The following BANF2 variants were observed in gnomAD, a reference collection of about 807,000 sequenced individuals.
BANF2 encodes the protein barrier-to-autointegration factor-like protein.
BANF2 carries 4 observed loss-of-function variants against 8.0 expected under a neutral mutation model. That is an observed-to-expected ratio of 0.50 (90% CI 0.25 to 1.14). BANF2 has a LOEUF of 1.14. BANF2 is among the 50% of genes most tolerant of loss of function. The pLI, the probability that BANF2 is intolerant of heterozygous loss-of-function variation, is 0.16. For synonymous variants in BANF2, 50 were observed against 40.6 expected (o/e 1.23, Z -0.88); for missense variants, 96 against 107.5 (o/e 0.89, Z 0.47).
Position 17,735,709 on chromosome 20 carries a change from A to G in BANF2, c.171A>G (p.Glu57=). ...AATTCCTTCTGATGCACAAGAATGAAGCCGAGTTTCAGAGGTGGCTCATTT... is the reference window on the plus strand; with the variant it reads ...AATTCCTTCTGATGCACAAGAATGAGGCCGAGTTTCAGAGGTGGCTCATTT... ...LGQFLLMHKN[E]AEFQRWLICC... Residue 57 remains glutamate, a synonymous_variant, in exon 4 of 4, where the codon GAA becomes GAG. Coordinates refer to ENST00000246090, the MANE Select transcript of BANF2 (RefSeq NM_178477.5). The G allele has an allele frequency of 6.2e-7, 1 of 1,613,902 alleles. No individual in the cohort carries two copies. The highest frequency in any genetic ancestry group is 8.5e-7 in the Non-Finnish European group (1 of 1,179,808).
chr20:17,735,516 G>T lies in BANF2; in HGVS notation c.127-149G>T, dbSNP rs1484669412. The T allele has an allele frequency of 2.6e-5, 24 of 912,530 alleles. No individual in the cohort carries two copies. The Admixed American group carries it at 5.7e-4, about 22-fold the overall frequency. The allele number at this position is 912,530 out of a possible 1,614,324, so 56.5% of individuals were successfully genotyped here. A position where few individuals can be genotyped will look rare whatever the true frequency, so the allele number is the denominator to read the frequency against. ...CACCAGGGCTAAGACCCATGTCAGG[G>T]CTTCAAGGACTGACAGGCTCCCTTG... On this transcript the variant is annotated intron_variant, in intron 3 of 3. Coordinates refer to ENST00000246090, the MANE Select transcript of BANF2 (RefSeq NM_178477.5).
intron 1 of BANF2, among the ~76,000 whole-genome samples, chr20:17,716,896 G>C (rs972962391): frequency 1.4e-5 from 2 of 145,910 alleles, no homozygotes; most frequent in African/African-American, 5.0e-5. Context: ...AAAAAGAAAA[G>C]AGAGACGGGG....
intron 1 of BANF2, among the ~76,000 whole-genome samples, chr20:17,706,782 G>C (rs2034472592): frequency 6.6e-6 from 1 of 152,222 alleles, no homozygotes; most frequent in Admixed American, 6.5e-5. Context: ...GTGGCTCAGA[G>C]TGCAGATCAG....
intron 1 of BANF2, among the ~76,000 whole-genome samples, chr20:17,706,601 C>T (rs2037485237): frequency 6.6e-6 from 1 of 152,184 alleles, no homozygotes. Context: ...AGCAAGACAC[C>T]TAGCCCATCC....
At chr20:17,728,603 T>C (rs993935185) in intron 3 of BANF2, among the ~76,000 whole-genome samples, 4 of 152,222 alleles carry the variant, frequency 2.6e-5, no homozygotes, top group Non-Finnish European at 5.9e-5. Context: ...TCTTACTGCC[T>C]GTCCCCATTT....
intron 1 of BANF2, among the ~76,000 whole-genome samples, chr20:17,705,836 C>T (rs1405009569): frequency 6.6e-6 from 1 of 152,222 alleles, no homozygotes; most frequent in Non-Finnish European, 1.5e-5. Context: ...CTCTTTGTAC[C>T]TCAGGGCAGC....
At chr20:17,733,209 G>A (rs543657254) in intron 3 of BANF2, among the ~76,000 whole-genome samples, 7 of 152,294 alleles carry the variant, frequency 4.6e-5, no homozygotes, top group African/African-American at 7.2e-5. Flanking sequence ...CTTCTAAAAC[G>A]GGCAGGGGAT....
intron 1 of BANF2, among the ~76,000 whole-genome samples, chr20:17,705,585 C>T (rs186731136): frequency 1.1e-4 from 17 of 152,322 alleles, no homozygotes; most frequent in Admixed American, 8.5e-4. Context: ...AGTTCCCTAG[C>T]TTTACAGGAC....
intron 3 of BANF2, among the ~76,000 whole-genome samples, chr20:17,727,837 T>C (rs2037830935): frequency 6.6e-6 from 1 of 152,130 alleles, no homozygotes; most frequent in Non-Finnish European, 1.5e-5. Flanking sequence ...CTCCTCATCC[T>C]GGGCGCAGCC....
rs544704441 is a variant in BANF2, at chr20:17,716,029, C to G, written c.-166-6687C>G. ...ATGACCACGGTAGGCTCAGTTCCCA[C>G]CCGCCGAGCAGCCCTCACAGAAAGT... On this transcript the variant is annotated intron_variant, in intron 1 of 3. Transcript: ENST00000246090. Among the ~76,000 whole-genome samples the G allele has an allele frequency of 1.2e-4, 18 of 152,308 alleles. 1 individual carries two copies. Among genetic ancestry groups the G allele is most frequent in the African/African-American group, 4.1e-4 (17 of 41,556 alleles).
At chr20:17,694,360 T>C (rs866958551) in intron 1 of BANF2, among the ~76,000 whole-genome samples, 6 of 152,082 alleles carry the variant, frequency 3.9e-5, no homozygotes, top group Non-Finnish European at 8.8e-5. Flanking sequence ...CTGTTGAAGA[T>C]GTGGGAGCAG....
chr20:17,713,173 C>T (rs745682448), intron 1 of BANF2, among the ~76,000 whole-genome samples: 19 of 151,860 alleles, frequency 1.3e-4, no homozygotes, highest in Non-Finnish European at 1.3e-4. Context: ...GATGGAGGAT[C>T]ACTTGACCCC....
At chr20:17,706,077 C>A (rs2037477627) in intron 1 of BANF2, among the ~76,000 whole-genome samples, 1 of 152,184 alleles carries the variant, frequency 6.6e-6, no homozygotes. Flanking sequence ...AACGCAGCCA[C>A]CCAACTGGCA....
In BANF2 at chr20:17,735,643, C is replaced by T. The variant is rs768963940; in HGVS notation, c.127-22C>T. 3.7e-6 allele frequency: 6 copies of T among 1,610,364 alleles called. No individual in the cohort carries two copies. In the South Asian group the frequency reaches 6.6e-5, roughly 18 times the overall value. Reference sequence around the variant, plus strand: ...TTATGATAACCTTTCCTGCTTTCCTCCCTGTCTCATCCCCTCCCCAGGCCT... The same window carrying T: ...TTATGATAACCTTTCCTGCTTTCCTTCCTGTCTCATCCCCTCCCCAGGCCT... On this transcript the variant is annotated intron_variant, in intron 3 of 3. Coordinates refer to ENST00000246090, the MANE Select transcript of BANF2 (RefSeq NM_178477.5).
intron 1 of BANF2, among the ~76,000 whole-genome samples, chr20:17,711,742 CACGGCAG>C (rs1369850579): frequency 2.0e-5 from 3 of 152,176 alleles, no homozygotes; most frequent in Non-Finnish European, 2.9e-5. Context: ...TAGCAGCTTC[CACGGCAG>C]AGGTGACAGT....
rs76725912 is a variant in BANF2 at position 17,723,302 on chromosome 20, G to A, written c.-4+424G>A. Among the ~76,000 whole-genome samples the A allele has an allele frequency of 4.1e-3, 622 of 152,328 alleles. 2 individuals are homozygous for A. Among genetic ancestry groups the A allele is most frequent in the African/African-American group, 0.014 (597 of 41,572 alleles). ...TGAACCAGAGAGGGCATTTGTTGGG[G>A]GCCCCTAGGAAAAGATAGCTTTGTG... is the stretch of plus-strand genomic sequence containing the variant. On this transcript the variant is annotated intron_variant, in intron 2 of 3. Coordinates refer to ENST00000246090, the MANE Select transcript of BANF2 (RefSeq NM_178477.5).
chr20:17,695,601 G>GT (rs2037340554), upstream of BANF2, among the ~76,000 whole-genome samples: 2 of 149,790 alleles, frequency 1.3e-5, no homozygotes, highest in Non-Finnish European at 3.0e-5. Context: ...AAAAACCTAG[G>GT]GTGTGTGTGT....
chr20:17,720,933 C>A (rs1343807248), intron 1 of BANF2, among the ~76,000 whole-genome samples: 1 of 152,196 alleles, frequency 6.6e-6, no homozygotes, highest in Admixed American at 6.5e-5. Flanking sequence ...CATGCAGTAT[C>A]TGAGGCCCGT....
rs1268734003 is a variant in BANF2 at position 17,694,599 on chromosome 20, CTCTTTTTTTTTTTTTTTTTT to C, written c.18+895_18+914del. ...AGGGGGCTATTTTTGTTTTTTCTCTCTCTTTTTTTTTTTTTTTTTTTTTTTTTTTTTTTTATTGAGACAGG... is the reference window on the plus strand; with the variant it reads ...AGGGGGCTATTTTTGTTTTTTCTCTCTTTTTTTTTTTTTTATTGAGACAGG... On this transcript the variant is annotated intron_variant, in intron 1 of 2. Transcript: ENST00000545418. Among the ~76,000 whole-genome samples, 6 of 82,780 alleles carry C rather than the reference CTCTTTTTTTTTTTTTTTTTT, an allele frequency of 7.2e-5. No homozygotes were observed. The Admixed American group carries it at 7.8e-4, about 11-fold the overall frequency. The allele number at this position is 82,780 out of a possible 152,430, so 54.3% of individuals were successfully genotyped here.
Sources: gnomAD v4.1 joint callset for allele counts (sites outside exome capture counted in the v4.1 genomes callset) on GRCh38, gnomAD v4.1.1 for gene constraint, MANE v1.5 for transcripts, NCBI Gene and HGNC (gene_info 2026-07-23, HGNC 2026-07-21) for gene names.